Variants in TMEM117 observed in about 807,000 individuals in gnomAD.
The protein encoded by TMEM117 is transmembrane protein 117.
Under a neutral mutation model 52.4 loss-of-function variants are expected in TMEM117, and 27 were observed. The ratio of observed to expected loss-of-function variants is 0.51; its 90% CI spans 0.38 to 0.71. TMEM117 has a LOEUF of 0.71. TMEM117 is among the 30% of genes least tolerant of loss of function. The pLI, the probability that TMEM117 is intolerant of heterozygous loss-of-function variation, is 0.00. For missense variants in TMEM117, 556 were observed against 630.5 expected (o/e 0.88, Z 1.26); for synonymous variants, 215 against 206.3 (o/e 1.04, Z -0.36).
intron 2 of TMEM117, among the ~76,000 whole-genome samples, chr12:43,905,161 T>G (rs1029433990): frequency 6.6e-6 from 1 of 151,902 alleles, no homozygotes; most frequent in Non-Finnish European, 1.5e-5. Flanking sequence ...AAAAAAAATG[T>G]TTTTGAGCAT....
At chr12:44,138,171 G>A (rs1236365075) in intron 3 of TMEM117, among the ~76,000 whole-genome samples, 4 of 152,048 alleles carry the variant, frequency 2.6e-5, no homozygotes, top group Non-Finnish European at 5.9e-5. Context: ...AGTATGCCCT[G>A]TTTCTTTGCT....
At chr12:44,384,469 C>A (rs1264652717) in intron 7 of TMEM117, among the ~76,000 whole-genome samples, 1 of 151,956 alleles carries the variant, frequency 6.6e-6, no homozygotes, top group African/African-American at 2.4e-5. Flanking sequence ...GGACACGATC[C>A]CCTGTTTTTT....
chr12:44,049,562 A>AG (rs1346447767), intron 3 of TMEM117, among the ~76,000 whole-genome samples: 2 of 151,736 alleles, frequency 1.3e-5, no homozygotes, highest in African/African-American at 4.8e-5. Flanking sequence ...ATTAAAAAAA[A>AG]AAAAAAGAAA....
At chr12:44,397,721 A>G in the TMEM117 span, among the ~76,000 whole-genome samples, 2 of 152,198 alleles carry the variant, frequency 1.3e-5, no homozygotes, top group Admixed American at 1.3e-4. Context: ...TTATATTTTA[A>G]TGGCATTTGA....
intron 5 of TMEM117, among the ~76,000 whole-genome samples, chr12:44,225,791 G>T (rs1332367381): frequency 6.6e-6 from 1 of 152,120 alleles, no homozygotes; most frequent in Non-Finnish European, 1.5e-5. Context: ...CTGCACTATG[G>T]AAGTATTATT....
the TMEM117 span, among the ~76,000 whole-genome samples, chr12:43,822,456 G>A: frequency 6.7e-6 from 1 of 149,734 alleles, no homozygotes; most frequent in Admixed American, 6.7e-5. Flanking sequence ...CCATAGCCTA[G>A]TATTTATCAA....
chr12:43,843,524 G>C (rs1176914769), intron 1 of TMEM117, among the ~76,000 whole-genome samples: 1 of 152,158 alleles, frequency 6.6e-6, no homozygotes, highest in Admixed American at 6.5e-5. Flanking sequence ...TTCATTTTAA[G>C]ACAGCTATGT....
intron 3 of TMEM117, among the ~76,000 whole-genome samples, chr12:44,123,554 A>T (rs980844660): frequency 6.6e-6 from 1 of 152,146 alleles, no homozygotes; most frequent in Non-Finnish European, 1.5e-5. Context: ...TAAGTCTTTA[A>T]TCCATCTTGA....
chr12:43,810,158 T>C, the TMEM117 span, among the ~76,000 whole-genome samples: 3 of 152,134 alleles, frequency 2.0e-5, no homozygotes, highest in Non-Finnish European at 2.9e-5. Flanking sequence ...GCAACCAGCT[T>C]TTTGATGTAT....
intron 7 of TMEM117, among the ~76,000 whole-genome samples, chr12:44,384,864 A>G (rs17094577): frequency 0.029 from 4,407 of 152,298 alleles, 106 homozygotes; most frequent in African/African-American, 0.06. Flanking sequence ...GGCAAACAAT[A>G]TATTTCAGAG....
chr12:44,211,354 G>A lies in TMEM117; in HGVS notation c.575G>A (p.Trp192Ter). ...TGGGGAAAATCAGCAAGAGCTTTCT[G>A]GAAGAAAGGAAATGTTAGGATCACT... The part of the protein sequence containing the change: ...PDWGKSARAF[W>*]KKGNVRITLF... The change falls in exon 5 of 8, where the codon TGG becomes TAG. Residue 192 changes from tryptophan to a stop codon, truncating the protein, a stop_gained. Coordinates refer to ENST00000266534, the MANE Select transcript of TMEM117 (RefSeq NM_032256.3). LOFTEE classifies it high-confidence loss of function. 1 of 1,611,448 alleles carries A rather than the reference G, an allele frequency of 6.2e-7. No homozygotes were observed. The highest frequency in any genetic ancestry group is 8.5e-7 in the Non-Finnish European group (1 of 1,178,772).
At position 43,875,902 on chromosome 12, in the gene TMEM117, G is replaced by C. The variant is rs113536633; in HGVS notation, c.277+30974G>C. On this transcript the variant is annotated intron_variant, in intron 2 of 7. Transcript: ENST00000266534. ...TGATATGAGTCCACAAGCTTCATCTGGAAAACCCGCATTTAGTCCCACTTG... is the reference window on the plus strand; with the variant it reads ...TGATATGAGTCCACAAGCTTCATCTCGAAAACCCGCATTTAGTCCCACTTG... 6.7e-3 allele frequency among the ~76,000 whole-genome samples: 1,021 copies of C among 152,110 alleles called. 7 individuals are homozygous for C. Among genetic ancestry groups the C allele is most frequent in the Non-Finnish European group, 0.011 (758 of 67,990 alleles).
chr12:43,892,874 A>T (rs557625637), intron 2 of TMEM117, among the ~76,000 whole-genome samples: 116 of 152,342 alleles, frequency 7.6e-4, no homozygotes, highest in Middle Eastern at 6.8e-3. Context: ...AGAACAAGGG[A>T]TGGGGTAGGC....
At chr12:44,390,063 T>G (rs1304222079), downstream of TMEM117, among the ~76,000 whole-genome samples, 2 of 152,126 alleles carry the variant, frequency 1.3e-5, no homozygotes, top group African/African-American at 4.8e-5. Flanking sequence ...GCATGCATAA[T>G]AGAACTATGC....
At chr12:43,928,890 C>T (rs976792341) in intron 2 of TMEM117, among the ~76,000 whole-genome samples, 1 of 151,808 alleles carries the variant, frequency 6.6e-6, no homozygotes, top group Non-Finnish European at 1.5e-5. Context: ...TAATGATTTC[C>T]AATTTCATCC....
Position 44,037,328 on chromosome 12 carries a change from T to C in TMEM117, c.410+92986T>C, listed in dbSNP as rs1404925177. The stretch of plus-strand genomic sequence containing the variant: ...CCCTTCCCTGCAGCTTGGAAGTGCC[T>C]GCTCCTGCTGCCTGGCCTCTCCCCA... On this transcript the variant is annotated intron_variant, in intron 3 of 7. Coordinates refer to ENST00000266534, the MANE Select transcript of TMEM117 (RefSeq NM_032256.3). Among the ~76,000 whole-genome samples the C allele has an allele frequency of 2.0e-5, 3 of 152,276 alleles. No homozygotes were observed. The East Asian group carries it at 5.8e-4, about 29-fold the overall frequency.
At chr12:44,204,354 A>C (rs1326760583) in intron 4 of TMEM117, among the ~76,000 whole-genome samples, 1 of 152,220 alleles carries the variant, frequency 6.6e-6, no homozygotes, top group Non-Finnish European at 1.5e-5. Context: ...GAATACAGCT[A>C]ACCAGGCAGG....
intron 5 of TMEM117, among the ~76,000 whole-genome samples, chr12:44,258,031 G>A (rs1251003104): frequency 6.6e-6 from 1 of 151,964 alleles, no homozygotes; most frequent in Non-Finnish European, 1.5e-5. Context: ...ACCTTTATGA[G>A]AAGACAGAAC....
At chr12:43,913,715 A>C (rs575126323) in intron 2 of TMEM117, among the ~76,000 whole-genome samples, 1 of 152,332 alleles carries the variant, frequency 6.6e-6, no homozygotes, top group Admixed American at 6.5e-5. Context: ...AAATCAATAC[A>C]AACTGGATTT....
Sources: allele counts gnomAD v4.1 joint callset (sites outside exome capture counted in the v4.1 genomes callset), GRCh38; gene constraint gnomAD v4.1.1; transcripts MANE v1.5; gene names NCBI Gene and HGNC (gene_info 2026-07-23, HGNC 2026-07-21).